ASAP1: variants seen among roughly 807,000 people sequenced by gnomAD.
ASAP1 encodes arf-GAP with SH3 domain, ANK repeat and PH domain-containing protein 1.
Under a neutral mutation model 145.2 loss-of-function variants are expected in ASAP1, and 43 were observed. The observed-to-expected ratio is 0.30, with a 90% confidence interval of 0.23 to 0.38. The LOEUF (loss-of-function observed/expected upper bound fraction) is 0.38. Ranked by LOEUF, ASAP1 falls within the 10% of genes least tolerant of loss-of-function variation. The pLI, the probability that ASAP1 is intolerant of heterozygous loss-of-function variation, is 1.00. For synonymous variants in ASAP1, 546 were observed against 515.5 expected, an observed-to-expected ratio of 1.06 and a Z score of -0.80; for missense variants, 1,018 against 1,355.3, an observed-to-expected ratio of 0.75 and a Z score of 3.91.
intron 2 of ASAP1, among the ~76,000 whole-genome samples, chr8:130,384,941 A>T (rs1175161617): frequency 6.6e-6 from 1 of 152,212 alleles, no homozygotes; most frequent in Non-Finnish European, 1.5e-5. Flanking sequence ...CAGAGACTGA[A>T]CATAAATAAA....
chr8:130,433,636 T>C (rs1243088004), intron 1 of ASAP1, among the ~76,000 whole-genome samples: 1 of 152,246 alleles, frequency 6.6e-6, no homozygotes, highest in East Asian at 1.9e-4. Flanking sequence ...TAGCAGGATA[T>C]GCAGGGAAAT....
chr8:130,229,941 G>A (rs1433722086), intron 4 of ASAP1, among the ~76,000 whole-genome samples: 1 of 151,910 alleles, frequency 6.6e-6, no homozygotes, highest in African/African-American at 2.4e-5. Flanking sequence ...ATGCAACTGT[G>A]GTCCCAGCTG....
At chr8:130,363,079 T>C (rs1346177919) in intron 2 of ASAP1, among the ~76,000 whole-genome samples, 1 of 152,178 alleles carries the variant, frequency 6.6e-6, no homozygotes, top group African/African-American at 2.4e-5. Context: ...TTCATATCTA[T>C]AAAATGGGGG....
intron 5 of ASAP1, among the ~76,000 whole-genome samples, chr8:130,204,791 C>G (rs529914745): frequency 6.6e-6 from 1 of 152,152 alleles, no homozygotes; most frequent in African/African-American, 2.4e-5. Flanking sequence ...GAAAATAAAC[C>G]ATGTTAAGCC....
At chr8:130,140,140 C>T (rs1477736082) in intron 13 of ASAP1, among the ~76,000 whole-genome samples, 1 of 151,286 alleles carries the variant, frequency 6.6e-6, no homozygotes, top group African/African-American at 2.4e-5. Flanking sequence ...TCAAGCGATC[C>T]TCCCACCTCA....
At chr8:130,275,364 G>T (rs1262839797) in intron 3 of ASAP1, among the ~76,000 whole-genome samples, 1 of 152,202 alleles carries the variant, frequency 6.6e-6, no homozygotes. Context: ...AAGATTCCTG[G>T]AAGGCAGTAA....
rs746493364 is a variant in ASAP1 at position 130,053,141 on chromosome 8, C to T, written c.*1590G>A. On this transcript the variant is annotated 3_prime_UTR_variant, in exon 30 of 30. Coordinates refer to ENST00000518721, the MANE Select transcript of ASAP1 (RefSeq NM_018482.4). Reference sequence around the variant, plus strand: ...CAGAACTAAATTAATATTCACTGAGCACTGTAACGATGGAAGAGGGCTTTT... The same window carrying T: ...CAGAACTAAATTAATATTCACTGAGTACTGTAACGATGGAAGAGGGCTTTT... The T allele has an allele frequency of 6.6e-6, 1 of 152,168 alleles. No individual in the cohort carries two copies. Among genetic ancestry groups the T allele is most frequent in the Non-Finnish European group, 1.5e-5 (1 of 68,040 alleles). The allele number at this position is 152,168 out of a possible 1,614,324, so 9.4% of individuals were successfully genotyped here.
chr8:130,131,043 G>A lies in ASAP1; in HGVS notation c.1218-2953C>T, dbSNP rs183214533. Among the ~76,000 whole-genome samples the A allele has an allele frequency of 1.1e-4, 17 of 152,232 alleles. No homozygotes were observed. In the East Asian group the frequency reaches 3.1e-3, roughly 28 times the overall value. ...GTGGTGGCACGCGCCTGTAGTTCCAGGTACTCGCGAGGCTGAGGCAGCAGA... is the reference window on the plus strand; with the variant it reads ...GTGGTGGCACGCGCCTGTAGTTCCAAGTACTCGCGAGGCTGAGGCAGCAGA... On this transcript the variant is annotated intron_variant, in intron 15 of 29. Transcript: ENST00000518721.
intron 5 of ASAP1, among the ~76,000 whole-genome samples, chr8:130,210,224 G>A (rs1002044126): frequency 2.0e-5 from 3 of 152,050 alleles, no homozygotes; most frequent in African/African-American, 4.8e-5. Context: ...TATAGCTACC[G>A]TCTATTAAGT....
At chr8:130,397,730 T>C (rs938945284) in intron 2 of ASAP1, among the ~76,000 whole-genome samples, 16 of 152,120 alleles carry the variant, frequency 1.1e-4, no homozygotes, top group African/African-American at 3.9e-4. Flanking sequence ...ATCAAAGGGG[T>C]TGGTTGAGAA....
intron 24 of ASAP1, among the ~76,000 whole-genome samples, chr8:130,102,973 G>A (rs961482885): frequency 7.1e-6 from 1 of 141,384 alleles, no homozygotes; most frequent in East Asian, 2.1e-4. Context: ...TTACAGGCAC[G>A]AGCCACCACA....
chr8:130,102,135 C>G (rs577312530), intron 24 of ASAP1, among the ~76,000 whole-genome samples: 1 of 152,266 alleles, frequency 6.6e-6, no homozygotes, highest in African/African-American at 2.4e-5. Flanking sequence ...CCAGCACTAT[C>G]TGAGCAGGAG....
At chr8:130,376,903 CAAAAAAAAAA>C (rs34006260) in intron 2 of ASAP1, among the ~76,000 whole-genome samples, 8 of 26,020 alleles carry the variant, frequency 3.1e-4, no homozygotes, top group East Asian at 2.9e-3. Context: ...AACTCCATCT[CAAAAAAAAAA>C]AAAAAAAAAA....
Position 130,072,824 on chromosome 8 carries a change from T to TGCGCGCGCGCGCGCGCGC in ASAP1, c.2701+3523_2701+3524insGCGCGCGCGCGCGCGCGC, listed in dbSNP as rs71303498. Among the ~76,000 whole-genome samples, 33 of 32,242 alleles carry TGCGCGCGCGCGCGCGCGC rather than the reference T, an allele frequency of 1.0e-3. 1 individual carries two copies. The highest frequency in any genetic ancestry group is 3.4e-3 in the South Asian group (2 of 588). 21.2% of individuals were successfully genotyped at this position (32,242 alleles called of 152,430 possible). A position where few individuals can be genotyped will look rare whatever the true frequency, so the allele number is the denominator to read the frequency against. On this transcript the variant is annotated intron_variant, in intron 27 of 29. Coordinates refer to ENST00000518721, the MANE Select transcript of ASAP1 (RefSeq NM_018482.4). ...GTGTGTGTGTGTGTGTGTGTGTGTG[T>TGCGCGCGCGCGCGCGCGC]GCGCGCGGGGGGGGGCAGTTTTGGG...
intron 11 of ASAP1, 33 bp downstream of exon 11, chr8:130,167,503 G>A: frequency 6.4e-7 from 1 of 1,556,450 alleles, no homozygotes; most frequent in Non-Finnish European, 8.9e-7. Context: ...TACCTACACT[G>A]TTAGCCCTGT....
At chr8:130,132,246 G>A (rs1057406922) in intron 15 of ASAP1, among the ~76,000 whole-genome samples, 1 of 152,174 alleles carries the variant, frequency 6.6e-6, no homozygotes, top group Non-Finnish European at 1.5e-5. Flanking sequence ...AATAAGACAT[G>A]AAGTGCATTT....
intron 4 of ASAP1, among the ~76,000 whole-genome samples, chr8:130,227,533 C>T (rs1203761756): frequency 1.3e-5 from 2 of 152,036 alleles, no homozygotes; most frequent in Non-Finnish European, 2.9e-5. Flanking sequence ...GCTGGAACTA[C>T]AGGCATGAGC....
chr8:130,234,562 G>C (rs1036356236), intron 4 of ASAP1, among the ~76,000 whole-genome samples: 4 of 152,214 alleles, frequency 2.6e-5, no homozygotes, highest in East Asian at 1.9e-4. Context: ...CTGTGATCAA[G>C]GAAATCCTTT....
intron 3 of ASAP1, among the ~76,000 whole-genome samples, chr8:130,336,490 A>G (rs1825043890): frequency 6.6e-6 from 1 of 152,258 alleles, no homozygotes; most frequent in Non-Finnish European, 1.5e-5. Context: ...CAAGCTGGAT[A>G]AAGACAAGGC....
Sources: allele counts gnomAD v4.1 joint callset (sites outside exome capture counted in the v4.1 genomes callset), GRCh38; gene constraint gnomAD v4.1.1; transcripts MANE v1.5; gene names NCBI Gene and HGNC (gene_info 2026-07-23, HGNC 2026-07-21).